The following SCOC variants were observed in gnomAD, a reference collection of about 807,000 sequenced individuals.
The protein encoded by SCOC is short coiled-coil protein, also known as short coiled coil protein.
A neutral mutation model predicts 9.9 loss-of-function variants in SCOC; 7 were observed. The observed-to-expected ratio is 0.71, with a 90% CI of 0.40 to 1.33. The LOEUF (loss-of-function observed/expected upper bound fraction) is 1.33. Among genes scored for constraint, SCOC ranks in the 40% most tolerant of loss-of-function variants. SCOC has a pLI of 0.01. For missense variants in SCOC, 66 were observed against 89.7 expected (o/e 0.74, Z 1.07); for synonymous variants, 19 against 28.2 (o/e 0.67, Z 1.03).
intron 2 of SCOC, among the ~76,000 whole-genome samples, chr4:140,352,526 G>C (rs1371289636): frequency 6.6e-6 from 1 of 152,166 alleles, no homozygotes; most frequent in Non-Finnish European, 1.5e-5. Flanking sequence ...TATGGCTCTA[G>C]GGTCACCAGT....
chr4:140,348,940 T>A (rs1477920474), intron 2 of SCOC, among the ~76,000 whole-genome samples: 1 of 152,202 alleles, frequency 6.6e-6, no homozygotes, highest in Non-Finnish European at 1.5e-5. Context: ...TGGTTTTAAT[T>A]TGCATTTCTC....
At chr4:140,295,142 A>C (rs1350337810) in intron 1 of SCOC, among the ~76,000 whole-genome samples, 3 of 152,204 alleles carry the variant, frequency 2.0e-5, no homozygotes, top group Admixed American at 1.3e-4. Context: ...ATTAGTGTAG[A>C]TAATTGGGAG....
At chr4:140,305,515 C>A (rs759372090) in intron 1 of SCOC, among the ~76,000 whole-genome samples, 1 of 152,154 alleles carries the variant, frequency 6.6e-6, no homozygotes, top group Non-Finnish European at 1.5e-5. Context: ...AGATCTCTGG[C>A]AAGAACAAAC....
chr4:140,280,114 A>G (rs1731065772), intron 1 of SCOC, among the ~76,000 whole-genome samples: 2 of 151,852 alleles, frequency 1.3e-5, no homozygotes, highest in African/African-American at 2.4e-5. Flanking sequence ...TTGTGTCGTG[A>G]TTTTTTTGTC....
intron 1 of SCOC, chr4:140,284,953 C>A: frequency 3.8e-6 from 1 of 262,336 alleles, no homozygotes; most frequent in Non-Finnish European, 7.6e-6. Flanking sequence ...TGTAAAAGTA[C>A]AATCATGCAA....
chr4:140,338,058 T>G (rs1399370804), intron 1 of SCOC, among the ~76,000 whole-genome samples: 2 of 152,220 alleles, frequency 1.3e-5, no homozygotes, highest in Non-Finnish European at 2.9e-5. Flanking sequence ...AATAAAATAC[T>G]GCCAAACTGA....
chr4:140,379,423 A>G (rs1728477247), intron 2 of SCOC, 146 bp from the exon 3 acceptor site: 2 of 701,932 alleles, frequency 2.8e-6, no homozygotes, highest in Admixed American at 2.9e-5. Flanking sequence ...ATTATCTGCA[A>G]TTTGGGGATA....
At chr4:140,374,500 A>G (rs1338208640) in intron 1 of SCOC, among the ~76,000 whole-genome samples, 5 of 152,200 alleles carry the variant, frequency 3.3e-5, no homozygotes, top group Non-Finnish European at 1.5e-5. Flanking sequence ...TATAGCTTCC[A>G]TTTAAATCCT....
chr4:140,332,978 T>G lies in SCOC; in HGVS notation c.-18-10643T>G, dbSNP rs144262198. Among the ~76,000 whole-genome samples, 7 of 152,100 alleles carry G rather than the reference T, an allele frequency of 4.6e-5. No homozygotes were observed. In the East Asian group the frequency reaches 1.4e-3, roughly 29 times the overall value. On this transcript the variant is annotated intron_variant, in intron 1 of 4. Coordinates refer to the SCOC transcript ENST00000394205. ...GCATAACGTATCCCATCTCACAGAG[T>G]GAAACCCAAGGAACTTAAAAGGGCC... is the stretch of plus-strand genomic sequence containing the variant.
chr4:140,325,565 G>A (rs978138477), intron 1 of SCOC, among the ~76,000 whole-genome samples: 4 of 151,992 alleles, frequency 2.6e-5, no homozygotes, highest in African/African-American at 9.7e-5. Context: ...GATATCAATA[G>A]CAAATAAATA....
chr4:140,379,019 A>G, intron 1 of SCOC, 102 bp from the exon 2 acceptor site: 1 of 725,468 alleles, frequency 1.4e-6, no homozygotes, highest in Non-Finnish European at 2.5e-6. Context: ...AGCATATGAA[A>G]AGTCCTACTA....
At chr4:140,321,054 G>T (rs1732486799) in intron 1 of SCOC, among the ~76,000 whole-genome samples, 1 of 152,152 alleles carries the variant, frequency 6.6e-6, no homozygotes, top group South Asian at 2.1e-4. Context: ...GCAAAGGGGA[G>T]ACTCAAAACC....
chr4:140,341,922 TCAAGCTGGACCTTCCATTCCA>T (rs1726527047), upstream of SCOC, among the ~76,000 whole-genome samples: 1 of 152,214 alleles, frequency 6.6e-6, no homozygotes, highest in South Asian at 2.1e-4. Context: ...ATTCTGATGA[TCAAGCTGGACCTTCCATTCCA>T]CTTTGTCTTC....
chr4:140,380,159 T>A (rs1255231594), intron 3 of SCOC, among the ~76,000 whole-genome samples: 1 of 151,790 alleles, frequency 6.6e-6, no homozygotes, highest in Non-Finnish European at 1.5e-5. Flanking sequence ...ATAAAAGTCA[T>A]CTGTGACTTC....
intron 1 of SCOC, among the ~76,000 whole-genome samples, chr4:140,260,428 A>G (rs1234757648): frequency 6.6e-6 from 1 of 152,210 alleles, no homozygotes. Flanking sequence ...TTTTCATAAC[A>G]TTACATATCT....
At chr4:140,287,291 A>G (rs1478358415) in intron 1 of SCOC, among the ~76,000 whole-genome samples, 1 of 139,876 alleles carries the variant, frequency 7.1e-6, no homozygotes, top group African/African-American at 3.3e-5. Context: ...CACACAGACC[A>G]TGCACACATA....
intron 1 of SCOC, among the ~76,000 whole-genome samples, chr4:140,276,089 G>A (rs547772546): frequency 2.0e-5 from 3 of 152,136 alleles, no homozygotes; most frequent in Non-Finnish European, 2.9e-5. Flanking sequence ...TGCAAGCTCC[G>A]CCTCCTGGGT....
intron 2 of SCOC, among the ~76,000 whole-genome samples, chr4:140,346,710 C>A (rs11945466): frequency 6.6e-6 from 1 of 152,092 alleles, no homozygotes; most frequent in African/African-American, 2.4e-5. Context: ...TTTACTTGTA[C>A]GTGAGTTGTA....
At chr4:140,276,566 C>T (rs1300683724) in intron 1 of SCOC, among the ~76,000 whole-genome samples, 3 of 152,084 alleles carry the variant, frequency 2.0e-5, no homozygotes, top group African/African-American at 7.2e-5. Context: ...GCAATTCTCT[C>T]TGCGTCAGCC....
Sources: gnomAD v4.1 joint callset for allele counts (sites outside exome capture counted in the v4.1 genomes callset) on GRCh38, gnomAD v4.1.1 for gene constraint, MANE v1.5 for transcripts, NCBI Gene and HGNC (gene_info 2026-07-23, HGNC 2026-07-21) for gene names.